The following EXT2 variants were observed in gnomAD, a reference collection of about 807,000 sequenced individuals.
The protein encoded by EXT2 is exostosin glycosyltransferase 2.
In EXT2, 53 loss-of-function variants were observed where a neutral mutation model predicts 81.6. That is an observed-to-expected ratio of 0.65 (90% confidence interval 0.52 to 0.82). EXT2 has a LOEUF of 0.82. EXT2 is among the 40% of genes least tolerant of loss of function. The pLI is 0.00. For missense variants in EXT2, 774 were observed against 910.2 expected (o/e 0.85, Z 1.93); for synonymous variants, 320 against 340.0 (o/e 0.94, Z 0.65).
chr11:44,191,638 A>G (rs777295827), intron 8 of EXT2, among the ~76,000 whole-genome samples: 6 of 152,208 alleles, frequency 3.9e-5, no homozygotes, highest in Non-Finnish European at 8.8e-5. Context: ...CCCAGACTGT[A>G]GACACTCTCC....
chr11:44,099,745 A>C (rs1953955746), intron 1 of EXT2, among the ~76,000 whole-genome samples: 1 of 152,212 alleles, frequency 6.6e-6, no homozygotes, highest in South Asian at 2.1e-4. Flanking sequence ...CAATTCATAA[A>C]ATGTGGCAAG....
chr11:44,191,488 T>C (rs1955391262), intron 8 of EXT2, among the ~76,000 whole-genome samples: 1 of 152,240 alleles, frequency 6.6e-6, no homozygotes, highest in Non-Finnish European at 1.5e-5. Context: ...TTATGCCCTA[T>C]CTTGCCATCA....
chr11:44,239,677 C>T (rs1279568474), intron 13 of EXT2, among the ~76,000 whole-genome samples: 1 of 148,396 alleles, frequency 6.7e-6, no homozygotes, highest in Non-Finnish European at 1.5e-5. Flanking sequence ...AGGCATGAAC[C>T]ACCCTGCCTG....
At chr11:44,154,646 A>G (rs972790180) in intron 7 of EXT2, among the ~76,000 whole-genome samples, 3 of 152,022 alleles carry the variant, frequency 2.0e-5, no homozygotes, top group African/African-American at 4.8e-5. Flanking sequence ...TTCTTTTGAT[A>G]TATATACCTA....
At chr11:44,119,145 T>TATATATATATATATATATATATAC (rs1954271999) in intron 4 of EXT2, among the ~76,000 whole-genome samples, 2 of 47,612 alleles carry the variant, frequency 4.2e-5, no homozygotes, top group Non-Finnish European at 9.3e-5. Flanking sequence ...TATATATATA[T>TATATATATATATATATATATATAC]ATATATATAT....
At chr11:44,127,368 G>A (rs115398567) in intron 6 of EXT2, among the ~76,000 whole-genome samples, 1,734 of 152,322 alleles carry the variant, frequency 0.011, 42 homozygotes, top group African/African-American at 0.04. Flanking sequence ...TGACCAGCGG[G>A]CCAGTGAACA....
At position 44,248,963 on chromosome 11, in the gene EXT2, A is replaced by G. The variant is rs986007444; in HGVS notation, c.*4676A>G. 2.0e-5 allele frequency among the ~76,000 whole-genome samples: 3 copies of G among 147,912 alleles called. No individual in the cohort carries two copies. The South Asian group carries it at 6.4e-4, about 32-fold the overall frequency. ...CACATTTGCAACCATTTCAGGGTAG[A>G]GTTTTTTTGTTTGTTTGTTTGTTTG... On this transcript the variant is annotated 3_prime_UTR_variant, in exon 14 of 14. Coordinates refer to ENST00000533608, the MANE Select transcript of EXT2 (RefSeq NM_207122.2).
intron 9 of EXT2, among the ~76,000 whole-genome samples, chr11:44,200,689 G>A (rs1252433320): frequency 2.6e-5 from 4 of 152,180 alleles, no homozygotes; most frequent in Non-Finnish European, 4.4e-5. Flanking sequence ...CATGAGACCA[G>A]CTGTACACCA....
At chr11:44,137,631 C>A (rs1954589880) in intron 7 of EXT2, among the ~76,000 whole-genome samples, 1 of 151,952 alleles carries the variant, frequency 6.6e-6, no homozygotes, top group Admixed American at 6.6e-5. Context: ...TCTGTCTTGT[C>A]TGTAGGCAAA....
chr11:44,164,301 C>G (rs10047416), intron 7 of EXT2, among the ~76,000 whole-genome samples: 29,303 of 152,024 alleles, frequency 0.19, 2,873 homozygotes, highest in Non-Finnish European at 0.22. Context: ...TAGTTAAAGT[C>G]CTTGTCTAAT....
chr11:44,101,070 A>G lies in EXT2; in HGVS notation c.-31+5218A>G, dbSNP rs79226851. Among the ~76,000 whole-genome samples the G allele has an allele frequency of 5.8e-3, 881 of 152,288 alleles. 14 individuals are homozygous for G. The highest frequency in any genetic ancestry group is 0.02 in the African/African-American group (836 of 41,560). Reference sequence around the variant, plus strand: ...TCTTAAGGAGTTGCAGGACCTGGCTAATATGGACCAGCAGAAACTGAGGAA... The same window carrying G: ...TCTTAAGGAGTTGCAGGACCTGGCTGATATGGACCAGCAGAAACTGAGGAA... On this transcript the variant is annotated intron_variant, in intron 1 of 13. Transcript: ENST00000533608.
At chr11:44,230,129 T>C (rs1017758283) in intron 10 of EXT2, among the ~76,000 whole-genome samples, 4 of 152,098 alleles carry the variant, frequency 2.6e-5, no homozygotes, top group African/African-American at 9.7e-5. Flanking sequence ...CTCAAAGTAG[T>C]TGACATTTAA....
intron 6 of EXT2, among the ~76,000 whole-genome samples, chr11:44,128,446 C>T (rs1954440931): frequency 6.6e-6 from 1 of 152,226 alleles, no homozygotes; most frequent in Non-Finnish European, 1.5e-5. Context: ...TTACCAGATG[C>T]TGTCTTAAGT....
intron 7 of EXT2, among the ~76,000 whole-genome samples, chr11:44,149,033 C>T (rs1954758048): frequency 6.6e-6 from 1 of 152,140 alleles, no homozygotes; most frequent in Non-Finnish European, 1.5e-5. Context: ...GTTTACTTGT[C>T]TTATTCCAAA....
At chr11:44,140,499 T>G (rs1457827659) in intron 7 of EXT2, among the ~76,000 whole-genome samples, 2 of 152,146 alleles carry the variant, frequency 1.3e-5, no homozygotes, top group Non-Finnish European at 2.9e-5. Context: ...CTTTCTTTCT[T>G]TGCTGGAAAA....
At chr11:44,127,919 T>C (rs1354640001) in intron 6 of EXT2, among the ~76,000 whole-genome samples, 1 of 152,214 alleles carries the variant, frequency 6.6e-6, no homozygotes, top group East Asian at 1.9e-4. Context: ...GTTCACCATT[T>C]ATATTGCAAT....
rs930262107 is a variant in EXT2 at position 44,250,458 on chromosome 11, C to G, written c.*6171C>G. ...TCTCTTCCCCTTTTATTAACCAGATCGTTTACCAGATTGTACCTGGTGATG... is the reference window on the plus strand; with the variant it reads ...TCTCTTCCCCTTTTATTAACCAGATGGTTTACCAGATTGTACCTGGTGATG... On this transcript the variant is annotated 3_prime_UTR_variant, in exon 14 of 14. Coordinates refer to ENST00000533608, the MANE Select transcript of EXT2 (RefSeq NM_207122.2). Among the ~76,000 whole-genome samples the G allele has an allele frequency of 6.6e-6, 1 of 152,150 alleles. No homozygotes were observed. The highest frequency in any genetic ancestry group is 1.5e-5 in the Non-Finnish European group (1 of 68,036).
At chr11:44,130,231 G>T in intron 7 of EXT2, 93 bp downstream of exon 7, 1 of 954,082 alleles carries the variant, frequency 1.0e-6, no homozygotes, top group South Asian at 1.3e-5. Flanking sequence ...TGCCTGAGTG[G>T]GGTTTACTTC....
chr11:44,187,448 C>T (rs1955332033), intron 8 of EXT2, among the ~76,000 whole-genome samples: 1 of 151,970 alleles, frequency 6.6e-6, no homozygotes, highest in African/African-American at 2.4e-5. Flanking sequence ...TCCTCCCACC[C>T]TGGCAAGTTT....
Sources: allele counts gnomAD v4.1 joint callset (sites outside exome capture counted in the v4.1 genomes callset), GRCh38; gene constraint gnomAD v4.1.1; transcripts MANE v1.5; gene names NCBI Gene and HGNC (gene_info 2026-07-23, HGNC 2026-07-21).